SESN3: variants seen among roughly 807,000 people sequenced by gnomAD.
The protein encoded by SESN3 is sestrin 3, also known as sestrin-3.
SESN3 carries 21 observed loss-of-function variants against 55.3 expected under a neutral mutation model. The ratio of observed to expected loss-of-function variants is 0.38; its 90% CI spans 0.27 to 0.55. The LOEUF is 0.55. Among genes scored for constraint, SESN3 ranks in the 20% least tolerant of loss-of-function variants. The pLI, the probability that SESN3 is intolerant of heterozygous loss-of-function variation, is 0.76. For missense variants in SESN3, 408 were observed against 604.3 expected, an observed-to-expected ratio of 0.68 and a Z score of 3.41; for synonymous variants, 181 against 203.1, an observed-to-expected ratio of 0.89 and a Z score of 0.93.
chr11:95,203,183 A>G (rs1489019252), intron 1 of SESN3, among the ~76,000 whole-genome samples: 1 of 152,120 alleles, frequency 6.6e-6, no homozygotes, highest in Non-Finnish European at 1.5e-5. Context: ...GGTTATTCCA[A>G]TGGAACAGAA....
chr11:95,223,557 A>T (rs1003959137), intron 1 of SESN3, among the ~76,000 whole-genome samples: 1 of 152,304 alleles, frequency 6.6e-6, no homozygotes, highest in Middle Eastern at 3.4e-3. Flanking sequence ...TTAGGGAAAG[A>T]TCATTTCTAG....
chr11:95,193,849 A>G (rs1407794643), intron 1 of SESN3, among the ~76,000 whole-genome samples: 4 of 152,182 alleles, frequency 2.6e-5, no homozygotes, highest in Non-Finnish European at 4.4e-5. Context: ...AGTGTTTTAT[A>G]GTAGTATACT....
rs1236003303 is a variant in SESN3 at position 95,169,395 on chromosome 11, C to G, written c.*3860G>C. 2 of 152,146 alleles carry G rather than the reference C, an allele frequency of 1.3e-5. No individual in the cohort carries two copies. The highest frequency in any genetic ancestry group is 2.9e-5 in the Non-Finnish European group (2 of 68,032). The allele number at this position is 152,146 out of a possible 1,614,324, so 9.4% of individuals were successfully genotyped here. On this transcript the variant is annotated 3_prime_UTR_variant, in exon 10 of 10. Transcript: ENST00000536441. ...TTCAGCCTGCTGTTGAATTGTGCTACTAAGCAAATGTGATATACTATTTAC... is the reference window on the plus strand; with the variant it reads ...TTCAGCCTGCTGTTGAATTGTGCTAGTAAGCAAATGTGATATACTATTTAC...
intron 6 of SESN3, chr11:95,182,090 C>T (rs1317288742): frequency 7.1e-6 from 2 of 282,820 alleles, no homozygotes; most frequent in Non-Finnish European, 1.4e-5. Context: ...AGTCAAAATT[C>T]ACTTTTGAAG....
chr11:95,200,116 A>G (rs1436680341), intron 1 of SESN3, among the ~76,000 whole-genome samples: 2 of 152,078 alleles, frequency 1.3e-5, no homozygotes, highest in African/African-American at 4.8e-5. Context: ...CCCTCCTTTT[A>G]TTGTTATAGA....
At chr11:95,225,212 G>C (rs1361357370) in intron 1 of SESN3, among the ~76,000 whole-genome samples, 1 of 152,094 alleles carries the variant, frequency 6.6e-6, no homozygotes, top group Non-Finnish European at 1.5e-5. Context: ...AGTGAAGAAG[G>C]CAAATAAAGT....
chr11:95,208,822 G>T (rs1025596045), intron 1 of SESN3, among the ~76,000 whole-genome samples: 1 of 151,478 alleles, frequency 6.6e-6, no homozygotes, highest in Non-Finnish European at 1.5e-5. Context: ...AATGAGGAAA[G>T]GATTCCCTAT....
chr11:95,189,844 T>G lies in SESN3; in HGVS notation c.460A>C (p.Asn154His). 6.2e-7 allele frequency: 1 copy of G among 1,611,694 alleles called. No homozygotes were observed. The highest frequency in any genetic ancestry group is 8.5e-7 in the Non-Finnish European group (1 of 1,178,604). Residue 154 changes from asparagine to histidine, a missense_variant, in exon 4 of 10, where the codon AAT becomes CAT. This residue lies in a region of SESN3 where 107 missense variants were observed against 211.3 expected (regional missense o/e 0.51). Transcript: ENST00000536441. ...AGCAGCTTATTAATTTCATTAAGAT[T>G]TTTCAGTCTTTGTGGCACATATTCC... ...GLEYVPQRLK[N>H]LNEINKLLAH... is the part of the protein sequence containing the mutation.
rs1018846513 is a variant in SESN3, at chr11:95,173,063, A to G, written c.*192T>C. 3 of 461,480 alleles carry G rather than the reference A, an allele frequency of 6.5e-6. No homozygotes were observed. The highest frequency in any genetic ancestry group is 1.2e-5 in the Non-Finnish European group (3 of 253,348). The allele number at this position is 461,480 out of a possible 1,614,324, so 28.6% of individuals were successfully genotyped here. ...AGTATTATTTTTGCAATTGTTAGTAATGTTAAGCATCAAGGAAAATAAAAC... is the reference window on the plus strand; with the variant it reads ...AGTATTATTTTTGCAATTGTTAGTAGTGTTAAGCATCAAGGAAAATAAAAC... On this transcript the variant is annotated 3_prime_UTR_variant, in exon 10 of 10. Transcript: ENST00000536441.
At position 95,178,855 on chromosome 11, in the gene SESN3, GT is replaced by G. The variant is rs1342921384; in HGVS notation, c.938-28del. On this transcript the variant is annotated intron_variant, in intron 6 of 9. Coordinates refer to ENST00000536441, the MANE Select transcript of SESN3 (RefSeq NM_144665.4). The stretch of plus-strand genomic sequence containing the variant: ...TAAGGACAATAATGAACAATCTAGT[GT>G]TAAGGATACTGTACGTGGTTATGAC... The G allele has an allele frequency of 3.8e-6, 5 of 1,309,230 alleles. No homozygotes were observed. The East Asian group carries it at 1.2e-4, about 30-fold the overall frequency. The allele number at this position is 1,309,230 out of a possible 1,614,324, so 81.1% of individuals were successfully genotyped here. A position where few individuals can be genotyped will look rare whatever the true frequency, so the allele number is the denominator to read the frequency against.
At chr11:95,193,318 C>T (rs1860302037) in intron 2 of SESN3, 139 bp downstream of exon 2, 1 of 611,912 alleles carries the variant, frequency 1.6e-6, no homozygotes, top group African/African-American at 1.9e-5. Context: ...AAGAAAATAT[C>T]TCCATGGTTT....
chr11:95,219,974 A>G (rs144595652), intron 1 of SESN3, among the ~76,000 whole-genome samples: 32 of 152,284 alleles, frequency 2.1e-4, no homozygotes, highest in African/African-American at 7.2e-4. Flanking sequence ...CTGTGTTTCT[A>G]TGGAAAACTC....
Position 95,195,272 on chromosome 11 carries a change from TTAAA to T in SESN3, c.79-1754_79-1751del, listed in dbSNP as rs1357200980. On this transcript the variant is annotated intron_variant, in intron 1 of 9. Transcript: ENST00000536441. ...CCTTTAAATGTTTCATATTATTACT[TTAAA>T]TATTTTCTGGAACAGGTGAGATTTA... Among the ~76,000 whole-genome samples, 3 of 152,196 alleles carry T rather than the reference TTAAA, an allele frequency of 2.0e-5. No individual in the cohort carries two copies. In the South Asian group the frequency reaches 6.2e-4, roughly 31 times the overall value.
At chr11:95,182,200 T>A in intron 6 of SESN3, 1 of 318,258 alleles carries the variant, frequency 3.1e-6, no homozygotes. Context: ...CATTGATATT[T>A]TTCAAGCTTT....
intron 1 of SESN3, among the ~76,000 whole-genome samples, chr11:95,214,111 C>T (rs1013801131): frequency 6.6e-6 from 1 of 152,094 alleles, no homozygotes; most frequent in African/African-American, 2.4e-5. Flanking sequence ...GCCATGGAGA[C>T]AGTTCTATTT....
Position 95,173,341 on chromosome 11 carries a change from C to T in SESN3, c.1393G>A (p.Val465Ile), listed in dbSNP as rs139859559. The T allele has an allele frequency of 6.2e-4, 986 of 1,579,400 alleles. No homozygotes were observed. The highest frequency in any genetic ancestry group is 7.8e-4 in the Non-Finnish European group (896 of 1,151,188). ...YWRQFKHSEK[V>I]HVNLLLMEAR... The stretch of plus-strand genomic sequence containing the variant: ...TCCATTAAAAGTAGATTGACATGAA[C>T]CTAGAAGTGAAAATGTTATCAGTTT... Residue 465 changes from valine to isoleucine, a missense_variant and splice_region_variant, in exon 10 of 10, where the codon GTT (valine) becomes ATT (isoleucine). Transcript: ENST00000536441.
chr11:95,206,408 T>A (rs1485365419), intron 1 of SESN3, among the ~76,000 whole-genome samples: 1 of 140,276 alleles, frequency 7.1e-6, no homozygotes, highest in Non-Finnish European at 1.5e-5. Flanking sequence ...ACACACACAC[T>A]CTTATAATTT....
chr11:95,175,713 A>T (rs1008571736), intron 8 of SESN3, 71 bp from the exon 9 acceptor site: 2 of 1,253,812 alleles, frequency 1.6e-6, no homozygotes, highest in Admixed American at 4.1e-5. Flanking sequence ...TATACTAAGG[A>T]CATTTATTGT....
chr11:95,184,636 A>C, intron 5 of SESN3, 42 bp from the exon 6 acceptor site: 3 of 1,565,788 alleles, frequency 1.9e-6, no homozygotes, highest in Non-Finnish European at 2.6e-6. Context: ...TTCATACTAA[A>C]AGTGTTCCAG....
Sources: allele counts gnomAD v4.1 joint callset (sites outside exome capture counted in the v4.1 genomes callset), GRCh38; gene constraint gnomAD v4.1.1; regional missense constraint gnomAD v4.1.1; transcripts MANE v1.5; gene names NCBI Gene and HGNC (gene_info 2026-07-23, HGNC 2026-07-21).